The following PTP4A3 variants were observed in gnomAD, a reference collection of about 807,000 sequenced individuals.
PTP4A3 encodes protein tyrosine phosphatase 4A3.
A neutral mutation model predicts 15.2 loss-of-function variants in PTP4A3; 9 were observed. That is an observed-to-expected ratio of 0.59 (90% CI 0.36 to 1.03). The LOEUF (loss-of-function observed/expected upper bound fraction) is 1.03, where lower values mean the gene tolerates loss of function less well. Among genes scored for constraint, PTP4A3 ranks in the 50% least tolerant of loss-of-function variants. The pLI is 0.02. For synonymous variants in PTP4A3, 95 were observed against 102.0 expected (o/e 0.93, Z 0.41); for missense variants, 234 against 252.1 (o/e 0.93, Z 0.49).
At chr8:141,405,143 A>G (rs1324837219) in intron 1 of PTP4A3, among the ~76,000 whole-genome samples, 1 of 152,200 alleles carries the variant, frequency 6.6e-6, no homozygotes, top group Non-Finnish European at 1.5e-5. Flanking sequence ...CTGACCCAGG[A>G]ATGAGCAGGA....
At chr8:141,411,760 C>T (rs746595431) in intron 1 of PTP4A3, among the ~76,000 whole-genome samples, 3 of 152,244 alleles carry the variant, frequency 2.0e-5, no homozygotes, top group Non-Finnish European at 4.4e-5. Context: ...CCCGACCCCA[C>T]GGGCCCTGGG....
intron 1 of PTP4A3, among the ~76,000 whole-genome samples, chr8:141,418,658 G>A (rs75349547): frequency 6.6e-6 from 1 of 152,370 alleles, no homozygotes; most frequent in East Asian, 1.9e-4. Context: ...AGGAGGGAAA[G>A]AGGGGCCACG....
intron 1 of PTP4A3, among the ~76,000 whole-genome samples, chr8:141,398,977 C>G (rs534838084): frequency 6.6e-6 from 1 of 152,140 alleles, no homozygotes; most frequent in African/African-American, 2.4e-5. Context: ...GTCCCCATCT[C>G]AGTCCCCTTC....
intron 1 of PTP4A3, among the ~76,000 whole-genome samples, chr8:141,399,006 C>T (rs1191277889): frequency 6.6e-6 from 1 of 152,134 alleles, no homozygotes; most frequent in Non-Finnish European, 1.5e-5. Context: ...CCGGTGCTCC[C>T]GGCTGCTCTC....
chr8:141,431,345 C>T lies in PTP4A3; in HGVS notation c.*301C>T. ...TCTGCCCGCCCCCTCCCACACCAGC[C>T]AGGCTGGTCTCCTCTAGCCTGTTTG... On this transcript the variant is annotated 3_prime_UTR_variant, in exon 6 of 6. Coordinates refer to ENST00000521578, the MANE Select transcript of PTP4A3 (RefSeq NM_032611.3). The T allele has an allele frequency of 2.1e-6, 1 of 486,874 alleles. No individual in the cohort carries two copies. The allele number at this position is 486,874 out of a possible 1,614,324, so 30.2% of individuals were successfully genotyped here. A position where few individuals can be genotyped will look rare whatever the true frequency, so the allele number is the denominator to read the frequency against.
Position 141,432,389 on chromosome 8 carries a change from A to G in PTP4A3, c.*1345A>G, listed in dbSNP as rs934519585. ...GGAGAAAGGGCAACAGCTGTCCCGG[A>G]TGGTTATTCTCTCCTTTCCTCAAAC... On this transcript the variant is annotated 3_prime_UTR_variant, in exon 6 of 6. Transcript: ENST00000521578. 3 of 152,218 alleles carry G rather than the reference A, an allele frequency of 2.0e-5. No individual in the cohort carries two copies. Among genetic ancestry groups the G allele is most frequent in the Admixed American group, 1.3e-4 (2 of 15,284 alleles). The allele number at this position is 152,218 out of a possible 1,614,324, so 9.4% of individuals were successfully genotyped here.
rs1748167447 is a variant in PTP4A3 at position 141,431,322 on chromosome 8, T to C, written c.*278T>C. 2.0e-6 allele frequency: 1 copy of C among 505,882 alleles called. No individual in the cohort carries two copies. Among genetic ancestry groups the C allele is most frequent in the African/African-American group, 1.9e-5 (1 of 51,680 alleles). The allele number at this position is 505,882 out of a possible 1,614,324, so 31.3% of individuals were successfully genotyped here. ...TCTCTGAGGTGGGTCGGGCGCCCTC[T>C]GCCCGCCCCCTCCCACACCAGCCAG... On this transcript the variant is annotated 3_prime_UTR_variant, in exon 6 of 6. Coordinates refer to ENST00000521578, the MANE Select transcript of PTP4A3 (RefSeq NM_032611.3).
At chr8:141,405,627 G>C (rs538058309) in intron 1 of PTP4A3, among the ~76,000 whole-genome samples, 1 of 152,360 alleles carries the variant, frequency 6.6e-6, no homozygotes, top group African/African-American at 2.4e-5. Flanking sequence ...AGCACCTGCT[G>C]TGTACGGTGC....
chr8:141,420,692 C>T (rs1833289455), intron 1 of PTP4A3, among the ~76,000 whole-genome samples: 1 of 152,234 alleles, frequency 6.6e-6, no homozygotes, highest in African/African-American at 2.4e-5. Context: ...CCTGTTTATC[C>T]CCGAGCCTGG....
In PTP4A3 at chr8:141,422,032, C is replaced by T; in HGVS notation, c.-209C>T. ...AGTTGGGTTTTCTTTTTTAATTATCCAAACAGTGGGCAGCTTCCTCCCCCA... is the reference window on the plus strand; with the variant it reads ...AGTTGGGTTTTCTTTTTTAATTATCTAAACAGTGGGCAGCTTCCTCCCCCA... On this transcript the variant is annotated 5_prime_UTR_variant, in exon 2 of 6. Transcript: ENST00000521578. 1 of 520,800 alleles carries T rather than the reference C, an allele frequency of 1.9e-6. No individual in the cohort carries two copies. Among genetic ancestry groups the T allele is most frequent in the Non-Finnish European group, 3.4e-6 (1 of 297,044 alleles). 32.3% of individuals were successfully genotyped at this position (520,800 alleles called of 1,614,324 possible).
In PTP4A3 at chr8:141,425,723, C is replaced by T. The variant is rs1276863821; in HGVS notation, c.198+583C>T. Reference sequence around the variant, plus strand: ...GCCCCCCTGGTGCAGGCCTGCCCAGCTGCGCCTGGGCCTCAGTCTCCTCAG... The same window carrying T: ...GCCCCCCTGGTGCAGGCCTGCCCAGTTGCGCCTGGGCCTCAGTCTCCTCAG... On this transcript the variant is annotated intron_variant, in intron 3 of 5. Transcript: ENST00000521578. This position sits in a 1 kb window ranked among gnomAD's most constrained non-coding sequence, Gnocchi z 4.2. Among the ~76,000 whole-genome samples the T allele has an allele frequency of 2.6e-5, 4 of 152,194 alleles. No homozygotes were observed. Among genetic ancestry groups the T allele is most frequent in the Non-Finnish European group, 5.9e-5 (4 of 68,010 alleles).
At chr8:141,416,645 G>T (rs191338297) in intron 1 of PTP4A3, among the ~76,000 whole-genome samples, 129 of 152,230 alleles carry the variant, frequency 8.5e-4, no homozygotes, top group Middle Eastern at 3.4e-3. Context: ...ACCCTTGGGG[G>T]TCCATGAGCT....
intron 1 of PTP4A3, among the ~76,000 whole-genome samples, chr8:141,395,603 C>T (rs950634960): frequency 3.4e-5 from 5 of 146,776 alleles, no homozygotes; most frequent in East Asian, 2.1e-4. Context: ...CTGCAGCCCC[C>T]GTTCATCTAC....
rs142731535 is a variant in PTP4A3 at position 141,401,709 on chromosome 8, G to A, written c.-854+9625G>A. 1.0e-3 allele frequency among the ~76,000 whole-genome samples: 156 copies of A among 152,344 alleles called. 2 individuals carry two copies. The East Asian group carries it at 0.026, about 26-fold the overall frequency. The stretch of plus-strand genomic sequence containing the variant: ...CCCCGGGCCTGTGAGGACAGCCATC[G>A]GCTCAGAGGTCTGTGCTGTGGAGTC... On this transcript the variant is annotated intron_variant, in intron 1 of 5. Transcript: ENST00000521578.
chr8:141,403,594 A>G (rs966787920), intron 1 of PTP4A3, among the ~76,000 whole-genome samples: 18 of 152,254 alleles, frequency 1.2e-4, no homozygotes, highest in African/African-American at 4.1e-4. Context: ...CCTGCCAGGT[A>G]TTTCTGGTCA....
In PTP4A3 at chr8:141,406,004, C is replaced by T. The variant is rs1004801080; in HGVS notation, c.-854+13920C>T. 2.0e-5 allele frequency among the ~76,000 whole-genome samples: 3 copies of T among 151,850 alleles called. No individual in the cohort carries two copies. Among genetic ancestry groups the T allele is most frequent in the East Asian group, 1.9e-4 (1 of 5,168 alleles). On this transcript the variant is annotated intron_variant, in intron 1 of 5. Transcript: ENST00000521578. This position sits in a 1 kb window ranked among gnomAD's most constrained non-coding sequence, Gnocchi z 4.5. The stretch of plus-strand genomic sequence containing the variant: ...AGGTCAGAGGGCAGGGAGCAGCTCG[C>T]GTGGGGCCTTTAGGGCGATAAGGAT...
intron 2 of PTP4A3, among the ~76,000 whole-genome samples, chr8:141,422,984 G>A (rs1237703805): frequency 3.3e-5 from 5 of 152,230 alleles, no homozygotes; most frequent in African/African-American, 9.6e-5. Context: ...TCTGCAGAAC[G>A]CCCTGCTGTT....
At chr8:141,396,178 T>C (rs889574224) in intron 1 of PTP4A3, among the ~76,000 whole-genome samples, 1 of 152,224 alleles carries the variant, frequency 6.6e-6, no homozygotes, top group Non-Finnish European at 1.5e-5. Flanking sequence ...TGGGTGCCAT[T>C]GGTCAGGACC....
intron 5 of PTP4A3, among the ~76,000 whole-genome samples, chr8:141,429,159 C>T (rs772745480): frequency 1.3e-5 from 2 of 152,242 alleles, no homozygotes; most frequent in East Asian, 1.9e-4. Flanking sequence ...GGGCCCTACC[C>T]GGAGGCGTGG....
Sources: gnomAD v4.1 joint callset for allele counts (sites outside exome capture counted in the v4.1 genomes callset) on GRCh38, gnomAD v4.1.1 for gene constraint, Gnocchi (gnomAD v3.1) non-coding constraint, MANE v1.5 for transcripts, NCBI Gene and HGNC (gene_info 2026-07-23, HGNC 2026-07-21) for gene names.